Variants in CLEC9A observed in about 807,000 individuals in gnomAD.
CLEC9A encodes C-type lectin domain containing 9A.
A neutral mutation model predicts 30.0 loss-of-function variants in CLEC9A; 24 were observed. The ratio of observed to expected loss-of-function variants is 0.80; its 90% confidence interval spans 0.58 to 1.13. The LOEUF is 1.13. Ranked by LOEUF, CLEC9A falls within the 50% of genes most tolerant of loss-of-function variation. The pLI is 0.00. For synonymous variants in CLEC9A, 111 were observed against 96.8 expected, an observed-to-expected ratio of 1.15 and a Z score of -0.86; for missense variants, 251 against 280.9, an observed-to-expected ratio of 0.89 and a Z score of 0.76.
chr12:10,037,194 A>G (rs1865751340), intron 1 of CLEC9A, among the ~76,000 whole-genome samples: 1 of 152,200 alleles, frequency 6.6e-6, no homozygotes, highest in Non-Finnish European at 1.5e-5. Context: ...AGTAGGTAAA[A>G]TCAAGGAATA....
In CLEC9A at chr12:10,030,896, G is replaced by T. The variant is rs1479109678; in HGVS notation, c.-394G>T. 6.6e-6 allele frequency: 1 copy of T among 152,154 alleles called. No individual in the cohort carries two copies. Among genetic ancestry groups the T allele is most frequent in the African/African-American group, 2.4e-5 (1 of 41,420 alleles). The allele number at this position is 152,154 out of a possible 1,614,324, so 9.4% of individuals were successfully genotyped here. The stretch of plus-strand genomic sequence containing the variant: ...TTTTCTTATCAAGATCTGGGTATTT[G>T]ATCCACACAATGGTAAAGATTCCCA... On this transcript the variant is annotated 5_prime_UTR_variant, in exon 1 of 9. Transcript: ENST00000355819.
At chr12:10,063,000 A>C in intron 6 of CLEC9A, 55 bp from the exon 7 acceptor site, 1 of 1,489,812 alleles carries the variant, frequency 6.7e-7, no homozygotes, top group South Asian at 1.3e-5. Context: ...TTGGAGGGAT[A>C]TATGTTGTTA....
At chr12:10,047,020 T>G (rs971612383) in intron 2 of CLEC9A, among the ~76,000 whole-genome samples, 1 of 152,202 alleles carries the variant, frequency 6.6e-6, no homozygotes, top group South Asian at 2.1e-4. Flanking sequence ...AGTGTGTTAC[T>G]CTTAAAGCTT....
intron 5 of CLEC9A, among the ~76,000 whole-genome samples, 182 bp downstream of exon 5, chr12:10,054,533 G>T (rs1015615567): frequency 2.6e-5 from 4 of 152,102 alleles, no homozygotes; most frequent in African/African-American, 9.7e-5. Context: ...AACTTTCAAT[G>T]ATCTATTGCA....
At position 10,065,825 on chromosome 12, in the gene CLEC9A, T is replaced by C. The variant is rs1304928560; in HGVS notation, c.*193T>C. On this transcript the variant is annotated 3_prime_UTR_variant, in exon 9 of 9. Transcript: ENST00000355819. The stretch of plus-strand genomic sequence containing the variant: ...CAGATTTCATTTGATGTTGTTCACA[T>C]TGCAAGAGTAAAACTTATTTAGAGC... 4 of 537,614 alleles carry C rather than the reference T, an allele frequency of 7.4e-6. No individual in the cohort carries two copies. The highest frequency in any genetic ancestry group is 1.3e-5 in the Non-Finnish European group (4 of 310,936). 33.3% of individuals were successfully genotyped at this position (537,614 alleles called of 1,614,324 possible).
intron 5 of CLEC9A, among the ~76,000 whole-genome samples, chr12:10,057,538 CA>C (rs1407971256): frequency 6.6e-6 from 1 of 151,726 alleles, no homozygotes; most frequent in Non-Finnish European, 1.5e-5. Flanking sequence ...TAAAAGAACA[CA>C]ATGCCATTAT....
chr12:10,061,878 T>C (rs1342669121), intron 6 of CLEC9A, among the ~76,000 whole-genome samples: 2 of 152,208 alleles, frequency 1.3e-5, no homozygotes, highest in African/African-American at 2.4e-5. Flanking sequence ...TGCTTGTACA[T>C]ATAGTTTAGA....
chr12:10,045,933 G>A (rs1252533186), intron 2 of CLEC9A, among the ~76,000 whole-genome samples: 2 of 152,098 alleles, frequency 1.3e-5, no homozygotes. Context: ...ACACATATAA[G>A]ATTAAAATCA....
At chr12:10,056,140 A>G (rs1591892556) in intron 5 of CLEC9A, among the ~76,000 whole-genome samples, 1 of 151,572 alleles carries the variant, frequency 6.6e-6, no homozygotes, top group East Asian at 1.9e-4. Context: ...TGTATACCTA[A>G]GTGTCTTCTC....
Position 10,055,163 on chromosome 12 carries a change from A to G in CLEC9A, c.172+812A>G, listed in dbSNP as rs866852909. On this transcript the variant is annotated intron_variant, in intron 5 of 8. Coordinates refer to ENST00000355819, the MANE Select transcript of CLEC9A (RefSeq NM_207345.4). Reference sequence around the variant, plus strand: ...GCCAAGAGCTTAATCAGTAATTGTTACTTCGTCTGTCTCCTCAAATAAAGT... The same window carrying G: ...GCCAAGAGCTTAATCAGTAATTGTTGCTTCGTCTGTCTCCTCAAATAAAGT... 1.1e-4 allele frequency among the ~76,000 whole-genome samples: 17 copies of G among 152,316 alleles called. No homozygotes were observed. In the Middle Eastern group the frequency reaches 0.01, roughly 91 times the overall value.
intron 1 of CLEC9A, among the ~76,000 whole-genome samples, chr12:10,039,231 C>T (rs992992137): frequency 9.9e-5 from 15 of 152,112 alleles, no homozygotes; most frequent in Admixed American, 9.2e-4. Context: ...TAAGTGTTGA[C>T]TCTGCCAAAG....
chr12:10,042,743 C>T (rs1591886134), intron 2 of CLEC9A, among the ~76,000 whole-genome samples: 1 of 152,234 alleles, frequency 6.6e-6, no homozygotes, highest in South Asian at 2.1e-4. Flanking sequence ...ACATTATGTA[C>T]TCCTTTACTC....
chr12:10,061,059 C>T, intron 5 of CLEC9A, 68 bp from the exon 6 acceptor site: 4 of 1,520,124 alleles, frequency 2.6e-6, no homozygotes, highest in Non-Finnish European at 3.5e-6. Flanking sequence ...TGTCTTTAGT[C>T]TGTGTTGAAG....
chr12:10,061,753 T>C (rs1381928070), intron 6 of CLEC9A, among the ~76,000 whole-genome samples: 1 of 152,238 alleles, frequency 6.6e-6, no homozygotes, highest in Non-Finnish European at 1.5e-5. Flanking sequence ...TAAAATTCTA[T>C]GAAGTTACTG....
chr12:10,046,612 TC>T (rs935604815), intron 2 of CLEC9A, among the ~76,000 whole-genome samples: 4 of 152,224 alleles, frequency 2.6e-5, no homozygotes, highest in African/African-American at 9.6e-5. Flanking sequence ...AAATTGCATT[TC>T]TTTCCCACAG....
chr12:10,052,346 G>A (rs908036317), intron 3 of CLEC9A: 6 of 248,592 alleles, frequency 2.4e-5, no homozygotes, highest in South Asian at 1.0e-4. Context: ...ATGCAAGTGC[G>A]TTCTTTGCAC....
intron 1 of CLEC9A, among the ~76,000 whole-genome samples, chr12:10,034,766 C>G (rs1865730077): frequency 6.6e-6 from 1 of 152,160 alleles, no homozygotes. Context: ...GGCTCCGGCC[C>G]CACGGTAGTG....
chr12:10,054,206 T>A, intron 4 of CLEC9A, 65 bp from the exon 5 acceptor site: 1 of 1,268,048 alleles, frequency 7.9e-7, no homozygotes, highest in Non-Finnish European at 1.1e-6. Flanking sequence ...TCTCAATCTA[T>A]CCTTGCCCCG....
Position 10,046,565 on chromosome 12 carries a change from T to C in CLEC9A, c.-163+4945T>C, listed in dbSNP as rs561621310. Among the ~76,000 whole-genome samples, 4 of 152,330 alleles carry C rather than the reference T, an allele frequency of 2.6e-5. No individual in the cohort carries two copies. In the East Asian group the frequency reaches 5.8e-4, roughly 22 times the overall value. ...AATAACTCAGCAAGTATTTATAGAA[T>C]ACATGGAAAGGCACCGTTTCACAGG... On this transcript the variant is annotated intron_variant, in intron 2 of 8. Transcript: ENST00000355819.
Sources: allele counts gnomAD v4.1 joint callset (sites outside exome capture counted in the v4.1 genomes callset), GRCh38; gene constraint gnomAD v4.1.1; transcripts MANE v1.5; gene names NCBI Gene and HGNC (gene_info 2026-07-23, HGNC 2026-07-21).